Variants in MAML2 observed in about 807,000 individuals in gnomAD.
MAML2 encodes mastermind-like protein 2.
MAML2 carries 22 observed loss-of-function variants against 96.1 expected under a neutral mutation model. The observed-to-expected ratio is 0.23, with a 90% confidence interval of 0.16 to 0.33. The LOEUF (loss-of-function observed/expected upper bound fraction) is 0.33. MAML2 is among the 10% of genes least tolerant of loss of function. MAML2 has a pLI of 1.00. For missense variants in MAML2, 1,367 were observed against 1,392.4 expected, an observed-to-expected ratio of 0.98 and a Z score of 0.29; for synonymous variants, 561 against 521.3, an observed-to-expected ratio of 1.08 and a Z score of -1.04.
In MAML2 at chr11:96,117,945, A is replaced by T. The variant is rs140251207; in HGVS notation, c.514-24428T>A. Among the ~76,000 whole-genome samples the T allele has an allele frequency of 3.0e-3, 452 of 152,224 alleles. 3 individuals are homozygous for T. Among genetic ancestry groups the T allele is most frequent in the African/African-American group, 0.011 (437 of 41,528 alleles). ...ATACAGATCAAAGACTTCCAAAAGC[A>T]CCCTCATTTTGTAAGAAATAATTGT... On this transcript the variant is annotated intron_variant, in intron 1 of 4. Coordinates refer to ENST00000524717, the MANE Select transcript of MAML2 (RefSeq NM_032427.4).
chr11:96,159,503 C>A (rs1411313618), intron 1 of MAML2, among the ~76,000 whole-genome samples: 1 of 39,996 alleles, frequency 2.5e-5, no homozygotes, highest in African/African-American at 5.5e-5. Flanking sequence ...GAGATCACTG[C>A]GAGCTCCGGC....
intron 1 of MAML2, among the ~76,000 whole-genome samples, chr11:96,313,353 A>C (rs1188434887): frequency 6.6e-6 from 1 of 152,186 alleles, no homozygotes; most frequent in African/African-American, 2.4e-5. Flanking sequence ...GCCAAGGTGC[A>C]ATGTAAGCAG....
At chr11:96,247,333 A>G (rs549712747) in intron 1 of MAML2, among the ~76,000 whole-genome samples, 1 of 152,140 alleles carries the variant, frequency 6.6e-6, no homozygotes, top group Non-Finnish European at 1.5e-5. Context: ...ATTCTGAGAT[A>G]GCAGTTCAGT....
At chr11:96,063,100 T>TC (rs11369780) in intron 2 of MAML2, among the ~76,000 whole-genome samples, 151,876 of 152,284 alleles carry the variant, frequency 1, 75,735 homozygotes, top group Middle Eastern at 1. Flanking sequence ...ACTTTGGTGA[T>TC]TTTTCTTTCC....
At chr11:96,259,298 G>C (rs188415052) in intron 1 of MAML2, among the ~76,000 whole-genome samples, 3 of 152,136 alleles carry the variant, frequency 2.0e-5, no homozygotes, top group Admixed American at 1.3e-4. Flanking sequence ...ATAGACTATG[G>C]GGAACAGACC....
At chr11:95,989,665 CA>C (rs914161300) in intron 3 of MAML2, among the ~76,000 whole-genome samples, 3 of 123,446 alleles carry the variant, frequency 2.4e-5, no homozygotes, top group Non-Finnish European at 4.8e-5. Flanking sequence ...GGGAAGGGAA[CA>C]GGGGGGAGGA....
intron 1 of MAML2, among the ~76,000 whole-genome samples, chr11:96,164,555 A>T (rs544891077): frequency 3.3e-5 from 5 of 152,210 alleles, no homozygotes; most frequent in Non-Finnish European, 7.3e-5. Flanking sequence ...AAAGAAGAAC[A>T]TGCTCTTGAT....
At chr11:96,001,834 C>T (rs1417455727) in intron 2 of MAML2, among the ~76,000 whole-genome samples, 1 of 152,140 alleles carries the variant, frequency 6.6e-6, no homozygotes, top group Non-Finnish European at 1.5e-5. Context: ...CCAGTATTAT[C>T]TCTCAACACA....
intron 2 of MAML2, among the ~76,000 whole-genome samples, chr11:95,994,965 A>C (rs1276343697): frequency 6.6e-6 from 1 of 152,154 alleles, no homozygotes; most frequent in African/African-American, 2.4e-5. Flanking sequence ...TCTAAGCCTC[A>C]GTTTTCTTAT....
Position 96,029,368 on chromosome 11 carries a change from G to A in MAML2, c.2140-37645C>T, listed in dbSNP as rs562894516. Among the ~76,000 whole-genome samples, 13 of 152,030 alleles carry A rather than the reference G, an allele frequency of 8.6e-5. No individual in the cohort carries two copies. The East Asian group carries it at 1.7e-3, about 20-fold the overall frequency. On this transcript the variant is annotated intron_variant, in intron 2 of 4. Coordinates refer to ENST00000524717, the MANE Select transcript of MAML2 (RefSeq NM_032427.4). ...CATCGTAAAAATGTAAAATCTCTTC[G>A]ATTTTTACATTGGGAGACTAGTTTG...
intron 4 of MAML2, among the ~76,000 whole-genome samples, chr11:95,983,474 G>A (rs919895727): frequency 6.6e-6 from 1 of 152,088 alleles, no homozygotes; most frequent in Non-Finnish European, 1.5e-5. Context: ...GGAGGAATAA[G>A]TCCTGGTGTT....
intron 1 of MAML2, among the ~76,000 whole-genome samples, chr11:96,105,714 T>C (rs542893155): frequency 9.2e-5 from 14 of 152,344 alleles, no homozygotes; most frequent in African/African-American, 3.4e-4. Flanking sequence ...AATGTTAGCC[T>C]GAGTAACTAT....
At chr11:96,248,392 G>A (rs1862538802) in intron 1 of MAML2, among the ~76,000 whole-genome samples, 1 of 151,980 alleles carries the variant, frequency 6.6e-6, no homozygotes, top group Admixed American at 6.5e-5. Flanking sequence ...GATTACAGGT[G>A]TGAGCCACCA....
intron 1 of MAML2, among the ~76,000 whole-genome samples, chr11:96,169,490 A>C (rs1209497386): frequency 6.6e-6 from 1 of 152,186 alleles, no homozygotes; most frequent in African/African-American, 2.4e-5. Flanking sequence ...AGTCCTGCTG[A>C]GGTCATCTGT....
intron 1 of MAML2, among the ~76,000 whole-genome samples, chr11:96,218,931 A>G (rs1231991488): frequency 6.6e-6 from 1 of 152,246 alleles, no homozygotes; most frequent in Non-Finnish European, 1.5e-5. Context: ...TGGCAACCCT[A>G]TATCTGGGGG....
At chr11:96,069,574 G>A (rs536025293) in intron 2 of MAML2, among the ~76,000 whole-genome samples, 1 of 152,282 alleles carries the variant, frequency 6.6e-6, no homozygotes, top group African/African-American at 2.4e-5. Flanking sequence ...CCACTGGAGA[G>A]GCTGAGGTGG....
Position 96,092,397 on chromosome 11 carries a change from G to A in MAML2, c.1634C>T (p.Pro545Leu), listed in dbSNP as rs1409353481. 2.5e-6 allele frequency: 4 copies of A among 1,613,962 alleles called. No individual in the cohort carries two copies. The highest frequency in any genetic ancestry group is 1.3e-5 in the African/African-American group (1 of 75,046). Residue 545 changes from proline (P) to leucine (L), a missense_variant, in exon 2 of 5, where the codon CCG (proline) becomes CTG (leucine). Coordinates refer to ENST00000524717, the MANE Select transcript of MAML2 (RefSeq NM_032427.4). This position sits in a 1 kb window ranked among gnomAD's most constrained non-coding sequence, Gnocchi z 4.1. ...CTGACGGGGCTCCATGGCTGGGTGC[G>A]GGTTGTTAATAAAACTTCGACTGAG... ...QDLSRSFINNPHPAMEPRQGN... is the reference protein window; with the variant it reads ...QDLSRSFINNLHPAMEPRQGN...
chr11:96,277,399 C>T (rs879779436), intron 1 of MAML2, among the ~76,000 whole-genome samples: 5 of 152,134 alleles, frequency 3.3e-5, no homozygotes, highest in Non-Finnish European at 7.4e-5. Flanking sequence ...TCTTCCATTA[C>T]TTTGAAATAT....
At position 96,048,729 on chromosome 11, in the gene MAML2, C is replaced by A. The variant is rs1191779403; in HGVS notation, c.2139+43163G>T. Among the ~76,000 whole-genome samples, 3 of 152,022 alleles carry A rather than the reference C, an allele frequency of 2.0e-5. No individual in the cohort carries two copies. The East Asian group carries it at 5.8e-4, about 29-fold the overall frequency. ...CCTTCTCTTAGATTGGCATGACCTA[C>A]AAGAAAATACCCATTTATGGTTTCC... On this transcript the variant is annotated intron_variant, in intron 2 of 4. Transcript: ENST00000524717.
Sources: gnomAD v4.1 joint callset for allele counts (sites outside exome capture counted in the v4.1 genomes callset) on GRCh38, gnomAD v4.1.1 for gene constraint, Gnocchi (gnomAD v3.1) non-coding constraint, MANE v1.5 for transcripts, NCBI Gene and HGNC (gene_info 2026-07-23, HGNC 2026-07-21) for gene names.